Variants in TBC1D12 observed in about 807,000 individuals in gnomAD.
TBC1D12 encodes the protein TBC1 domain family member 12, also known as TBC1 domain family, member 12.
Under a neutral mutation model 86.7 loss-of-function variants are expected in TBC1D12, and 56 were observed. The observed-to-expected ratio is 0.65, with a 90% CI of 0.52 to 0.81. TBC1D12 has a LOEUF of 0.81. Among genes scored for constraint, TBC1D12 ranks in the 30% least tolerant of loss-of-function variants. The pLI is 0.00. For missense variants in TBC1D12, 1,023 were observed against 1,038.8 expected (o/e 0.98, Z 0.21); for synonymous variants, 421 against 411.7 (o/e 1.02, Z -0.27).
intron 2 of TBC1D12, among the ~76,000 whole-genome samples, chr10:94,459,622 G>A (rs1253048685): frequency 6.6e-6 from 1 of 152,236 alleles, no homozygotes; most frequent in Non-Finnish European, 1.5e-5. Flanking sequence ...ATGGCAGACT[G>A]CAGGTCCTGA....
intron 9 of TBC1D12, among the ~76,000 whole-genome samples, chr10:94,518,318 G>C (rs1015050305): frequency 2.0e-5 from 3 of 151,802 alleles, no homozygotes; most frequent in Non-Finnish European, 4.4e-5. Context: ...GGTTCAAGCA[G>C]TTCTCCTGCC....
Position 94,515,199 on chromosome 10 carries a change from G to A in TBC1D12, c.1761+3545G>A, listed in dbSNP as rs182843410. Among the ~76,000 whole-genome samples, 138 of 151,672 alleles carry A rather than the reference G, an allele frequency of 9.1e-4. No homozygotes were observed. In the East Asian group the frequency reaches 0.023, roughly 26 times the overall value. ...TGGGATTACAGGCGTGAGCCACCGC[G>A]CCCGGCCGCAAGTTTTTTTTTCCAA... is the stretch of plus-strand genomic sequence containing the variant. On this transcript the variant is annotated intron_variant, in intron 9 of 12. Transcript: ENST00000225235.
chr10:94,417,043 T>C (rs909959810), intron 1 of TBC1D12, among the ~76,000 whole-genome samples: 2 of 152,122 alleles, frequency 1.3e-5, no homozygotes, highest in African/African-American at 4.8e-5. Context: ...TTTGAACTGA[T>C]TCAGTGAGAG....
chr10:94,483,935 G>T (rs760705602), intron 3 of TBC1D12, among the ~76,000 whole-genome samples: 3 of 146,832 alleles, frequency 2.0e-5, no homozygotes, highest in Non-Finnish European at 4.5e-5. Flanking sequence ...AGTCTTTAAT[G>T]TATTTTGATT....
chr10:94,412,952 G>A (rs900401322), intron 1 of TBC1D12, among the ~76,000 whole-genome samples: 1 of 152,176 alleles, frequency 6.6e-6, no homozygotes, highest in African/African-American at 2.4e-5. Context: ...TAGATCCTGG[G>A]TGGGGTCCAC....
At chr10:94,433,760 T>C (rs2055252779) in intron 1 of TBC1D12, among the ~76,000 whole-genome samples, 1 of 152,238 alleles carries the variant, frequency 6.6e-6, no homozygotes, top group African/African-American at 2.4e-5. Flanking sequence ...TCACATTATT[T>C]GAAGCTATGC....
chr10:94,517,639 G>A (rs1842034154), intron 9 of TBC1D12, among the ~76,000 whole-genome samples: 2 of 152,112 alleles, frequency 1.3e-5, no homozygotes, highest in Non-Finnish European at 2.9e-5. Flanking sequence ...AAGGCTCACT[G>A]ACAAACCAGT....
chr10:94,478,294 A>G (rs1342003167), intron 3 of TBC1D12, among the ~76,000 whole-genome samples: 1 of 152,170 alleles, frequency 6.6e-6, no homozygotes, highest in Non-Finnish European at 1.5e-5. Context: ...AGAGATTGCA[A>G]ATGCAAAAGG....
chr10:94,475,341 G>C (rs2055973150), intron 3 of TBC1D12, among the ~76,000 whole-genome samples: 1 of 152,198 alleles, frequency 6.6e-6, no homozygotes, highest in Admixed American at 6.5e-5. Flanking sequence ...ACTCCCAAGA[G>C]AGGAGTGAGC....
intron 11 of TBC1D12, among the ~76,000 whole-genome samples, chr10:94,530,984 C>G (rs1842405929): frequency 6.6e-6 from 1 of 151,732 alleles, no homozygotes; most frequent in Admixed American, 6.6e-5. Context: ...CTCAGCCTCC[C>G]ATGTAGCTGG....
Position 94,403,112 on chromosome 10 carries a change from C to G in TBC1D12, c.499C>G (p.Arg167Gly), listed in dbSNP as rs2054793665. The G allele has an allele frequency of 2.2e-6, 3 of 1,390,018 alleles. No individual in the cohort carries two copies. Among genetic ancestry groups the G allele is most frequent in the Non-Finnish European group, 9.3e-7 (1 of 1,077,684 alleles). 86.1% of individuals were successfully genotyped at this position (1,390,018 alleles called of 1,614,324 possible). The change falls in exon 1 of 13, where the codon CGC becomes GGC. Residue 167 changes from arginine (R) to glycine (G), a missense_variant. By Grantham distance (125) the Arg-to-Gly change is moderately radical. Transcript: ENST00000225235. ...RAGGRESRRR[R>G]PYGRLRLEGP... Reference sequence around the variant, plus strand: ...CGGCGGCCGGGAGTCGCGCCGCCGCCGCCCCTACGGCCGCCTTCGCCTGGA... The same window carrying G: ...CGGCGGCCGGGAGTCGCGCCGCCGCGGCCCCTACGGCCGCCTTCGCCTGGA...
At chr10:94,502,514 G>A (rs1427709113) in intron 6 of TBC1D12, among the ~76,000 whole-genome samples, 1 of 151,994 alleles carries the variant, frequency 6.6e-6, no homozygotes, top group African/African-American at 2.4e-5. Context: ...GGACCAGCCT[G>A]GGCAACATAG....
intron 1 of TBC1D12, among the ~76,000 whole-genome samples, chr10:94,421,192 C>A (rs554585265): frequency 6.6e-6 from 1 of 152,128 alleles, no homozygotes; most frequent in Admixed American, 6.5e-5. Flanking sequence ...CCTGTGACCA[C>A]CCCCTGGCCT....
Position 94,403,357 on chromosome 10 carries a change from C to G in TBC1D12, c.744C>G (p.Pro248=). Residue 248 remains proline (P), a synonymous_variant, in exon 1 of 13, where the codon CCC becomes CCG. Coordinates refer to ENST00000225235, the MANE Select transcript of TBC1D12 (RefSeq NM_015188.2). ...CCGGGGGTCCCGAGGAGGGCGCGCC[C>G]CCTGCCACCTCGGCCGAGAGGACTA... The part of the protein sequence containing the change: ...VGAGGPEEGA[P]PATSAERTNG... 1 of 1,527,120 alleles carries G rather than the reference C, an allele frequency of 6.5e-7. No homozygotes were observed. Among genetic ancestry groups the G allele is most frequent in the African/African-American group, 1.4e-5 (1 of 69,784 alleles). The allele number at this position is 1,527,120 out of a possible 1,614,324, so 94.6% of individuals were successfully genotyped here.
rs1489832841 is a variant in TBC1D12 at position 94,475,625 on chromosome 10, A to G, written c.1211+842A>G. Among the ~76,000 whole-genome samples, 3 of 151,976 alleles carry G rather than the reference A, an allele frequency of 2.0e-5. No individual in the cohort carries two copies. In the East Asian group the frequency reaches 5.8e-4, roughly 30 times the overall value. On this transcript the variant is annotated intron_variant, in intron 3 of 12. Transcript: ENST00000225235. ...TTTTGTGTGCATTTTTAGTAGAGAC[A>G]GGGTTTCGCCATGTTGGCCAGGCTG...
At chr10:94,486,705 G>C (rs1232430098) in intron 3 of TBC1D12, among the ~76,000 whole-genome samples, 1 of 151,830 alleles carries the variant, frequency 6.6e-6, no homozygotes, top group Non-Finnish European at 1.5e-5. Context: ...TTTAAGACTT[G>C]GTTTGTTTTT....
At chr10:94,416,789 T>C (rs927825211) in intron 1 of TBC1D12, among the ~76,000 whole-genome samples, 6 of 152,120 alleles carry the variant, frequency 3.9e-5, no homozygotes, top group Non-Finnish European at 7.4e-5. Context: ...TTACAGTAGA[T>C]GAAACATGAA....
At chr10:94,464,933 C>T (rs2055784382) in intron 2 of TBC1D12, among the ~76,000 whole-genome samples, 1 of 152,144 alleles carries the variant, frequency 6.6e-6, no homozygotes, top group Non-Finnish European at 1.5e-5. Context: ...TCTACTCTTG[C>T]ACTTAGTTTT....
intron 3 of TBC1D12, among the ~76,000 whole-genome samples, chr10:94,482,825 G>A (rs909709954): frequency 6.6e-6 from 1 of 151,938 alleles, no homozygotes; most frequent in Non-Finnish European, 1.5e-5. Flanking sequence ...CCCAGCCTTA[G>A]GTAACCATGT....
Sources: allele counts gnomAD v4.1 joint callset (sites outside exome capture counted in the v4.1 genomes callset), GRCh38; gene constraint gnomAD v4.1.1; transcripts MANE v1.5; gene names NCBI Gene and HGNC (gene_info 2026-07-23, HGNC 2026-07-21).